QTMAN: variants seen among roughly 807,000 people sequenced by gnomAD.
QTMAN encodes the protein queuosine-tRNA mannosyltransferase.
At chr2:144,034,387 T>C in the QTMAN span, among the ~76,000 whole-genome samples, 3 of 152,224 alleles carry the variant, frequency 2.0e-5, no homozygotes, top group Admixed American at 6.5e-5. Context: ...CCAGCCTTTA[T>C]GCCATAGGGA....
the QTMAN span, among the ~76,000 whole-genome samples, chr2:144,173,432 G>C: frequency 6.6e-6 from 1 of 152,306 alleles, no homozygotes; most frequent in African/African-American, 2.4e-5. Context: ...AGACATATTG[G>C]AAAGGTTCAC....
At chr2:144,107,574 T>G in the QTMAN span, among the ~76,000 whole-genome samples, 1 of 152,194 alleles carries the variant, frequency 6.6e-6, no homozygotes, top group East Asian at 1.9e-4. Context: ...AATCTCTGAA[T>G]AGACCAATAA....
chr2:144,287,263 C>T, the QTMAN span, among the ~76,000 whole-genome samples: 3 of 152,018 alleles, frequency 2.0e-5, no homozygotes, highest in African/African-American at 2.4e-5. Context: ...AGTGAAACCC[C>T]GTCTCTACTA....
the QTMAN span, among the ~76,000 whole-genome samples, chr2:143,986,031 A>G: frequency 6.6e-6 from 1 of 152,146 alleles, no homozygotes; most frequent in Non-Finnish European, 1.5e-5. Context: ...GAGTGTTTTC[A>G]TCTGCTAATT....
chr2:144,103,822 G>A, the QTMAN span, among the ~76,000 whole-genome samples: 1 of 152,176 alleles, frequency 6.6e-6, no homozygotes, highest in East Asian at 1.9e-4. Context: ...AGGCAGGGTG[G>A]CTCACACCTG....
the QTMAN span, among the ~76,000 whole-genome samples, chr2:144,023,917 C>T: frequency 6.6e-6 from 1 of 152,166 alleles, no homozygotes; most frequent in East Asian, 1.9e-4. Flanking sequence ...CATGGGCTAT[C>T]TTAAAGTATA....
the QTMAN span, among the ~76,000 whole-genome samples, chr2:143,966,956 AAAC>A: frequency 1.3e-5 from 2 of 152,244 alleles, no homozygotes; most frequent in South Asian, 2.1e-4. Flanking sequence ...GAGGGAAAGA[AAAC>A]AAAGCTGAAA....
the QTMAN span, among the ~76,000 whole-genome samples, chr2:144,236,702 A>C: frequency 1.3e-5 from 2 of 152,158 alleles, no homozygotes; most frequent in African/African-American, 2.4e-5. Flanking sequence ...CAGTCTACAT[A>C]ACAAAAAAAT....
chr2:144,053,268 C>G, the QTMAN span, among the ~76,000 whole-genome samples: 1 of 152,116 alleles, frequency 6.6e-6, no homozygotes. Context: ...GTTAAATGTA[C>G]TGTGGGTTGG....
chr2:143,952,123 A>G, the QTMAN span: 1 of 1,027,538 alleles, frequency 9.7e-7, no homozygotes, highest in Non-Finnish European at 1.5e-6. Flanking sequence ...CTCAAAGCAC[A>G]CACTCGATAT....
chr2:144,328,329 A>C, the QTMAN span, among the ~76,000 whole-genome samples: 202 of 152,320 alleles, frequency 1.3e-3, 2 homozygotes, highest in East Asian at 0.035. Context: ...ATAGGGGAAA[A>C]GCACTAGATA....
At chr2:144,250,435 G>T in the QTMAN span, among the ~76,000 whole-genome samples, 1 of 151,982 alleles carries the variant, frequency 6.6e-6, no homozygotes, top group African/African-American at 2.4e-5. Flanking sequence ...GAGCCACCAT[G>T]CCTAGCCCAC....
At chr2:144,038,161 A>C in the QTMAN span, among the ~76,000 whole-genome samples, 1 of 152,084 alleles carries the variant, frequency 6.6e-6, no homozygotes, top group Non-Finnish European at 1.5e-5. Context: ...TTTCCCTGAT[A>C]AAAAAAATTT....
At chr2:144,045,883 C>T in the QTMAN span, among the ~76,000 whole-genome samples, 1 of 152,108 alleles carries the variant, frequency 6.6e-6, no homozygotes, top group Admixed American at 6.5e-5. Flanking sequence ...ATGTTAGCTC[C>T]AGCAAAAATT....
the QTMAN span, among the ~76,000 whole-genome samples, chr2:144,004,856 C>T: frequency 2.0e-5 from 3 of 152,046 alleles, no homozygotes; most frequent in Non-Finnish European, 2.9e-5. Flanking sequence ...TAATCCTTGA[C>T]TGCCTCGGAA....
chr2:144,067,043 C>T, the QTMAN span, among the ~76,000 whole-genome samples: 1 of 152,184 alleles, frequency 6.6e-6, no homozygotes, highest in South Asian at 2.1e-4. Flanking sequence ...AATTCGACCA[C>T]TTTTCACTAA....
chr2:144,230,054 T>A, the QTMAN span, among the ~76,000 whole-genome samples: 4 of 152,344 alleles, frequency 2.6e-5, no homozygotes, highest in African/African-American at 7.2e-5. Flanking sequence ...CCCTTGTTTA[T>A]AATATCATCT....
At chr2:144,182,588 G>A in the QTMAN span, among the ~76,000 whole-genome samples, 2 of 135,630 alleles carry the variant, frequency 1.5e-5, no homozygotes, top group African/African-American at 5.6e-5. Context: ...AGTTTGCAGT[G>A]AGCCAAGATC....
At chr2:143,945,901 C>A in the QTMAN span, 1 of 152,202 alleles carries the variant, frequency 6.6e-6, no homozygotes, top group African/African-American at 2.4e-5. Flanking sequence ...CAAAACAGAT[C>A]CTTGTTCATC....
Sources: gnomAD v4.1 joint callset for allele counts (sites outside exome capture counted in the v4.1 genomes callset) on GRCh38, gnomAD v4.1.1 for gene constraint, MANE v1.5 for transcripts, NCBI Gene and HGNC (gene_info 2026-07-23, HGNC 2026-07-21) for gene names.